The following CUX1 variants were observed in gnomAD, a reference collection of about 807,000 sequenced individuals.
The protein encoded by CUX1 is cut like homeobox 1, also known as protein CASP.
A neutral mutation model predicts 158.8 loss-of-function variants in CUX1; 31 were observed. The observed-to-expected ratio is 0.20, with a 90% CI of 0.15 to 0.26. The LOEUF is 0.26. Ranked by LOEUF, CUX1 falls within the 10% of genes least tolerant of loss-of-function variation. The pLI is 1.00. For synonymous variants in CUX1, 879 were observed against 862.1 expected, an observed-to-expected ratio of 1.02 and a Z score of -0.34; for missense variants, 1,589 against 2,014.6, an observed-to-expected ratio of 0.79 and a Z score of 4.04.
At chr7:102,213,378 A>G (rs1317453407) in intron 20 of CUX1, among the ~76,000 whole-genome samples, 3 of 152,254 alleles carry the variant, frequency 2.0e-5, no homozygotes, top group African/African-American at 4.8e-5. Flanking sequence ...GAGTAAGACT[A>G]TAGGGCCTAG....
At chr7:101,967,549 C>T (rs1315849285) in intron 2 of CUX1, among the ~76,000 whole-genome samples, 1 of 152,176 alleles carries the variant, frequency 6.6e-6, no homozygotes, top group African/African-American at 2.4e-5. Flanking sequence ...CCTGCAACTG[C>T]TTTAAAGAAA....
chr7:102,145,259 T>G (rs543464822), intron 8 of CUX1, among the ~76,000 whole-genome samples: 11 of 152,100 alleles, frequency 7.2e-5, no homozygotes, highest in African/African-American at 2.7e-4. Context: ...CAGAAAAGAT[T>G]CTCCACCCCA....
At chr7:102,134,820 T>G (rs1333186740) in intron 8 of CUX1, among the ~76,000 whole-genome samples, 1 of 152,126 alleles carries the variant, frequency 6.6e-6, no homozygotes, top group African/African-American at 2.4e-5. Context: ...GGTCTCAAAC[T>G]CCTGGGCTCA....
chr7:101,860,929 G>A (rs1226025670), intron 1 of CUX1, among the ~76,000 whole-genome samples: 3 of 152,000 alleles, frequency 2.0e-5, no homozygotes, highest in African/African-American at 4.8e-5. Flanking sequence ...ACCTCAGCCT[G>A]TGAGGTTCCG....
chr7:102,237,906 A>C (rs1799751745), intron 22 of CUX1, among the ~76,000 whole-genome samples: 1 of 151,966 alleles, frequency 6.6e-6, no homozygotes, highest in Admixed American at 6.5e-5. Context: ...TCCACTGGAC[A>C]GGGGGCCCTT....
intron 2 of CUX1, among the ~76,000 whole-genome samples, chr7:101,965,482 C>G (rs1369502812): frequency 6.6e-6 from 1 of 152,088 alleles, no homozygotes. Context: ...GGGCATATGG[C>G]CTGGCCCTGT....
chr7:102,197,859 A>T (rs571291226), intron 15 of CUX1, among the ~76,000 whole-genome samples: 1 of 152,216 alleles, frequency 6.6e-6, no homozygotes, highest in Non-Finnish European at 1.5e-5. Context: ...CATTATGAGT[A>T]AAACAGGCCT....
intron 1 of CUX1, among the ~76,000 whole-genome samples, chr7:101,876,415 G>A (rs946728119): frequency 2.6e-5 from 4 of 151,758 alleles, no homozygotes; most frequent in Non-Finnish European, 2.9e-5. Context: ...AATATCTTTC[G>A]GCTGGGCGCG....
At chr7:102,068,702 T>C (rs1344618852) in intron 3 of CUX1, among the ~76,000 whole-genome samples, 1 of 152,192 alleles carries the variant, frequency 6.6e-6, no homozygotes, top group Non-Finnish European at 1.5e-5. Context: ...CCTTTGCCTC[T>C]GTAATAACAT....
chr7:101,940,977 T>C (rs1230740762), intron 2 of CUX1, among the ~76,000 whole-genome samples: 2 of 152,202 alleles, frequency 1.3e-5, no homozygotes, highest in African/African-American at 4.8e-5. Context: ...TCTGCATTTC[T>C]CTTGTAGTGA....
At position 102,248,506 on chromosome 7, in the gene CUX1, C is replaced by G; in HGVS notation, c.3982C>G (p.Arg1328Gly). Residue 1328 changes from arginine (R) to glycine (G), a missense_variant, in exon 24 of 24, where the codon CGG becomes GGG. By Grantham distance (125) the Arg-to-Gly change is moderately radical. This residue lies in a region of CUX1 where 344 missense variants were observed against 323.7 expected (regional missense o/e 1.06). Coordinates refer to ENST00000292535, the MANE Select transcript of CUX1 (RefSeq NM_181552.4). This position sits in a 1 kb window ranked among gnomAD's most constrained non-coding sequence, Gnocchi z 5.8. ...ASDSPSARSG[R>G]AAPSSEGDSC... Reference sequence around the variant, plus strand: ...CGACTCACCCTCGGCCCGCAGCGGCCGGGCGGCGCCCAGCTCGGAGGGCGA... The same window carrying G: ...CGACTCACCCTCGGCCCGCAGCGGCGGGGCGGCGCCCAGCTCGGAGGGCGA... The G allele has an allele frequency of 6.4e-7, 1 of 1,556,344 alleles. No homozygotes were observed.
intron 1 of CUX1, among the ~76,000 whole-genome samples, chr7:101,882,583 A>G (rs1799829072): frequency 6.6e-6 from 1 of 152,112 alleles, no homozygotes; most frequent in Admixed American, 6.5e-5. Flanking sequence ...TCAGGCTAGC[A>G]CCTCTCGTCA....
rs1563389237 is a variant in CUX1, at chr7:102,196,979, T to C, written c.1568T>C (p.Leu523Ser). 6.2e-7 allele frequency: 1 copy of C among 1,614,164 alleles called. No homozygotes were observed. Among genetic ancestry groups the C allele is most frequent in the Non-Finnish European group, 8.5e-7 (1 of 1,180,040 alleles). ...AACTCCATATCTTCCCAAAGTCCAT[T>C]ACAACAAAGCCCAGATGTCAATGGC... ...STNSISSQSPLQQSPDVNGMA... is the reference protein window; with the variant it reads ...STNSISSQSPSQQSPDVNGMA... Residue 523 changes from leucine (L) to serine (S), a missense_variant, in exon 15 of 24, where the codon TTA (leucine) becomes TCA (serine). Leu to Ser is a moderately radical substitution (Grantham distance 145). This residue lies in a region of CUX1 where 515 missense variants were observed against 574.4 expected (regional missense o/e 0.90). Transcript: ENST00000292535.
intron 3 of CUX1, among the ~76,000 whole-genome samples, chr7:102,065,614 G>A (rs140940401): frequency 6.6e-5 from 10 of 152,120 alleles, no homozygotes; most frequent in African/African-American, 2.2e-4. Flanking sequence ...TAAACTCATC[G>A]GCCTGACCGT....
At chr7:102,127,590 T>G (rs868923701) in intron 8 of CUX1, among the ~76,000 whole-genome samples, 1 of 152,070 alleles carries the variant, frequency 6.6e-6, no homozygotes, top group Non-Finnish European at 1.5e-5. Context: ...TTTTTTTTTT[T>G]ACCTGACATG....
Position 102,250,172 on chromosome 7 carries a change from G to GT in CUX1, c.*1132dup. 1.0e-6 allele frequency: 1 copy of GT among 985,408 alleles called. No individual in the cohort carries two copies. Among genetic ancestry groups the GT allele is most frequent in the Non-Finnish European group, 1.2e-6 (1 of 829,932 alleles). The allele number at this position is 985,408 out of a possible 1,614,324, so 61.0% of individuals were successfully genotyped here. A position where few individuals can be genotyped will look rare whatever the true frequency, so the allele number is the denominator to read the frequency against. On this transcript the variant is annotated 3_prime_UTR_variant, in exon 24 of 24. Transcript: ENST00000292535. ...CATATCTTGGAGGTTTAGGAGACAA[G>GT]TTAGAACTGTAGCATGTACCTGTTA...
At chr7:102,067,582 A>G (rs1210847194) in intron 3 of CUX1, among the ~76,000 whole-genome samples, 2 of 151,834 alleles carry the variant, frequency 1.3e-5, no homozygotes, top group African/African-American at 4.8e-5. Flanking sequence ...AAATAGAAAT[A>G]AAGACCTGAT....
chr7:101,910,408 A>G (rs770228550), intron 1 of CUX1, among the ~76,000 whole-genome samples: 35 of 152,200 alleles, frequency 2.3e-4, no homozygotes, highest in Admixed American at 4.6e-4. Context: ...GACCTCCCAA[A>G]GTGCTAGAAT....
intron 1 of CUX1, among the ~76,000 whole-genome samples, chr7:101,871,309 A>C (rs1026592847): frequency 2.9e-5 from 1 of 34,654 alleles, no homozygotes; most frequent in African/African-American, 1.5e-4. Context: ...ATTCTAAAAA[A>C]TAAAAAAAAG....
Sources: gnomAD v4.1 joint callset for allele counts (sites outside exome capture counted in the v4.1 genomes callset) on GRCh38, gnomAD v4.1.1 for gene constraint, gnomAD v4.1.1 regional missense constraint, Gnocchi (gnomAD v3.1) non-coding constraint, MANE v1.5 for transcripts, NCBI Gene and HGNC (gene_info 2026-07-23, HGNC 2026-07-21) for gene names.